The following ZFHX3 variants were observed in gnomAD, a reference collection of about 807,000 sequenced individuals.
ZFHX3 encodes the protein zinc finger homeobox protein 3.
ZFHX3 carries 42 observed loss-of-function variants against 279.1 expected under a neutral mutation model. That is an observed-to-expected ratio of 0.15 (90% confidence interval 0.12 to 0.19). ZFHX3 has a LOEUF of 0.19. Ranked by LOEUF, ZFHX3 falls within the 10% of genes least tolerant of loss-of-function variation. The probability of loss-of-function intolerance (pLI) is 1.00; values close to 1 mark genes in which losing one functional copy is unlikely to be tolerated. For missense variants in ZFHX3, 4,981 were observed against 4,754.0 expected, an observed-to-expected ratio of 1.05 and a Z score of -1.40; for synonymous variants, 2,293 against 1,957.8, an observed-to-expected ratio of 1.17 and a Z score of -4.52.
chr16:72,819,453 A>T (rs1374809163), intron 5 of ZFHX3, among the ~76,000 whole-genome samples: 1 of 152,224 alleles, frequency 6.6e-6, no homozygotes, highest in Non-Finnish European at 1.5e-5. Flanking sequence ...GGCAGGGCTC[A>T]TTAAAACACA....
At chr16:72,902,693 T>A (rs1244081947) in intron 3 of ZFHX3, among the ~76,000 whole-genome samples, 2 of 152,102 alleles carry the variant, frequency 1.3e-5, no homozygotes, top group African/African-American at 2.4e-5. Flanking sequence ...CCTATGGGCA[T>A]CCCCTGGGGT....
intron 5 of ZFHX3, among the ~76,000 whole-genome samples, chr16:73,237,179 C>G (rs754213073): frequency 6.6e-6 from 1 of 152,080 alleles, no homozygotes; most frequent in Non-Finnish European, 1.5e-5. Flanking sequence ...TAATCTGGTG[C>G]CATTTTAGTA....
chr16:73,295,304 A>G (rs984101459), intron 4 of ZFHX3, among the ~76,000 whole-genome samples: 3 of 152,174 alleles, frequency 2.0e-5, no homozygotes, highest in Admixed American at 6.5e-5. Flanking sequence ...TTGGGGGACG[A>G]TTTTGAATCT....
At chr16:73,129,965 G>A (rs1597169178) in intron 7 of ZFHX3, among the ~76,000 whole-genome samples, 1 of 152,112 alleles carries the variant, frequency 6.6e-6, no homozygotes, top group African/African-American at 2.4e-5. Flanking sequence ...CGTCTAACCC[G>A]AGAGCATTGC....
intron 7 of ZFHX3, among the ~76,000 whole-genome samples, chr16:73,105,378 TATATAC>T (rs1330740881): frequency 1.4e-5 from 1 of 70,488 alleles, no homozygotes; most frequent in East Asian, 3.1e-4. Flanking sequence ...CACATATATA[TATATAC>T]ACACACACAC....
At chr16:73,555,376 G>A (rs187357706) in intron 2 of ZFHX3, among the ~76,000 whole-genome samples, 11 of 151,896 alleles carry the variant, frequency 7.2e-5, no homozygotes, top group African/African-American at 2.2e-4. Flanking sequence ...GGATGGTCCC[G>A]ATATCTTGAC....
intron 3 of ZFHX3, among the ~76,000 whole-genome samples, chr16:73,398,097 G>C (rs754129997): frequency 5.3e-5 from 8 of 152,182 alleles, no homozygotes; most frequent in Non-Finnish European, 8.8e-5. Context: ...CACCCACCTA[G>C]GCCTCCCATA....
chr16:73,801,099 C>G (rs1453256551), intron 1 of ZFHX3, among the ~76,000 whole-genome samples: 1 of 152,192 alleles, frequency 6.6e-6, no homozygotes, highest in Non-Finnish European at 1.5e-5. Flanking sequence ...TTGGAACAAG[C>G]TGTACCAGGT....
At chr16:72,862,060 G>C (rs554705246) in intron 4 of ZFHX3, among the ~76,000 whole-genome samples, 1 of 152,124 alleles carries the variant, frequency 6.6e-6, no homozygotes, top group African/African-American at 2.4e-5. Flanking sequence ...TTTCATTGTC[G>C]GTGTCCTCTG....
rs1305746887 is a variant in ZFHX3, at chr16:72,795,764, C to T, written c.6918G>A (p.Glu2306=). The change falls in exon 9 of 10, where the codon GAG becomes GAA. Residue 2306 remains glutamate (E), a synonymous_variant. Coordinates refer to ENST00000268489, the MANE Select transcript of ZFHX3 (RefSeq NM_006885.4). Reference sequence around the variant, plus strand: ...GCTCACGCCGCTCTCCATCTTTGCCCTCTCCCTGATTCTCATAATTCTTCC... The same window carrying T: ...GCTCACGCCGCTCTCCATCTTTGCCTTCTCCCTGATTCTCATAATTCTTCC... ...KARKNYENQG[E]GKDGERRELT... 1.2e-6 allele frequency: 2 copies of T among 1,614,188 alleles called. No homozygotes were observed. Among genetic ancestry groups the T allele is most frequent in the East Asian group, 2.2e-5 (1 of 44,874 alleles).
intron 2 of ZFHX3, among the ~76,000 whole-genome samples, chr16:73,577,212 T>C (rs1055037074): frequency 1.3e-5 from 2 of 152,252 alleles, no homozygotes; most frequent in Admixed American, 6.5e-5. Flanking sequence ...AATAATACTT[T>C]ATATTTTTTC....
At chr16:73,848,587 T>A (rs771140798) in intron 1 of ZFHX3, among the ~76,000 whole-genome samples, 10 of 152,316 alleles carry the variant, frequency 6.6e-5, no homozygotes, top group Non-Finnish European at 1.3e-4. Context: ...CATTGTGAAG[T>A]TCATATTAAT....
At chr16:73,693,154 TG>T (rs2053164997) in intron 1 of ZFHX3, among the ~76,000 whole-genome samples, 1 of 152,136 alleles carries the variant, frequency 6.6e-6, no homozygotes, top group African/African-American at 2.4e-5. Flanking sequence ...AGAGAGCCCT[TG>T]GGCTTCATCA....
intron 2 of ZFHX3, among the ~76,000 whole-genome samples, chr16:73,570,365 A>G (rs758921801): frequency 6.6e-6 from 1 of 152,200 alleles, no homozygotes; most frequent in Admixed American, 6.5e-5. Context: ...TGGTTTTCTC[A>G]TGGCACAATA....
intron 1 of ZFHX3, among the ~76,000 whole-genome samples, chr16:73,776,096 C>T (rs771014700): frequency 6.6e-6 from 1 of 152,130 alleles, no homozygotes; most frequent in Non-Finnish European, 1.5e-5. Context: ...AAAAATAGAC[C>T]TTTCGGGACT....
intron 4 of ZFHX3, among the ~76,000 whole-genome samples, chr16:72,846,274 C>A (rs1489899731): frequency 1.3e-5 from 2 of 152,186 alleles, no homozygotes; most frequent in Admixed American, 1.3e-4. Context: ...TGCACACAGA[C>A]CTGGAAGAAG....
chr16:73,665,331 A>G (rs1417275676), intron 2 of ZFHX3, among the ~76,000 whole-genome samples: 1 of 151,244 alleles, frequency 6.6e-6, no homozygotes, highest in Non-Finnish European at 1.5e-5. Flanking sequence ...ATCCTGCCTC[A>G]GCCTCCCGAG....
intron 3 of ZFHX3, among the ~76,000 whole-genome samples, chr16:73,325,922 C>A (rs1461954276): frequency 2.3e-5 from 3 of 130,726 alleles, no homozygotes; most frequent in African/African-American, 9.1e-5. Flanking sequence ...CACACACACA[C>A]ACACAAACAC....
At chr16:73,782,741 G>C (rs1314099311) in intron 1 of ZFHX3, among the ~76,000 whole-genome samples, 2 of 152,182 alleles carry the variant, frequency 1.3e-5, no homozygotes, top group Non-Finnish European at 2.9e-5. Context: ...TGCAATAAAG[G>C]AAATCCTGGG....
Sources: allele counts gnomAD v4.1 joint callset (sites outside exome capture counted in the v4.1 genomes callset), GRCh38; gene constraint gnomAD v4.1.1; transcripts MANE v1.5; gene names NCBI Gene and HGNC (gene_info 2026-07-23, HGNC 2026-07-21).